ZNF541: variants seen among roughly 807,000 people sequenced by gnomAD.
ZNF541 encodes the protein zinc finger protein 541.
In ZNF541, 23 loss-of-function variants were observed where a neutral mutation model predicts 123.5. The ratio of observed to expected loss-of-function variants is 0.19; its 90% CI spans 0.13 to 0.26. ZNF541 has a LOEUF of 0.26. Ranked by LOEUF, ZNF541 falls within the 10% of genes least tolerant of loss-of-function variation. The pLI, the probability that ZNF541 is intolerant of heterozygous loss-of-function variation, is 1.00. For synonymous variants in ZNF541, 751 were observed against 754.5 expected, an observed-to-expected ratio of 1.00 and a Z score of 0.08; for missense variants, 1,612 against 1,789.9, an observed-to-expected ratio of 0.90 and a Z score of 1.79.
At chr19:47,553,928 G>A (rs1346145804) in intron 3 of ZNF541, among the ~76,000 whole-genome samples, 1 of 152,140 alleles carries the variant, frequency 6.6e-6, no homozygotes, top group Non-Finnish European at 1.5e-5. Flanking sequence ...AACTCAACAT[G>A]TACAAAGTTG....
chr19:47,573,296 T>C (rs1971541024), upstream of ZNF541, among the ~76,000 whole-genome samples: 1 of 151,862 alleles, frequency 6.6e-6, no homozygotes, highest in Admixed American at 6.6e-5. Flanking sequence ...CCGCGCGCTC[T>C]CGGCTGCTTC....
At position 47,558,402 on chromosome 19, in the gene ZNF541, C is replaced by T. The variant is rs909639859; in HGVS notation, c.-98-2448G>A. ...CTGCACTCCAGCCTGGGCAACAGAG[C>T]GAGACTCCATCTCAAAAAATAAATA... On this transcript the variant is annotated intron_variant, in intron 2 of 16. Coordinates refer to ENST00000391901, the MANE Select transcript of ZNF541 (RefSeq NM_001277075.3). Among the ~76,000 whole-genome samples, 10 of 150,360 alleles carry T rather than the reference C, an allele frequency of 6.7e-5. No homozygotes were observed. In the East Asian group the frequency reaches 9.8e-4, roughly 15 times the overall value.
intron 6 of ZNF541, 76 bp from the exon 7 acceptor site, chr19:47,540,411 TTCTTTTTTG>T: frequency 7.0e-7 from 1 of 1,432,124 alleles, no homozygotes; most frequent in East Asian, 2.6e-5. Context: ...TTGTTTTTTT[TTCTTTTTTG>T]TCTATAACTC....
In ZNF541 at chr19:47,549,448, G is replaced by A. The variant is rs188368625; in HGVS notation, c.345C>T (p.Asp115=). 119 of 1,551,626 alleles carry A rather than the reference G, an allele frequency of 7.7e-5. No homozygotes were observed. The East Asian group carries it at 1.4e-3, about 18-fold the overall frequency. The change falls in exon 4 of 17, where the codon GAC becomes GAT. Residue 115 remains aspartate (D), a synonymous_variant. Transcript: ENST00000391901. Reference sequence around the variant, plus strand: ...TCCCCGAGGTGGCCCTTCCTCCTTCGTCAGCCTCTTTAGCCTTAAGCACAC... The same window carrying A: ...TCCCCGAGGTGGCCCTTCCTCCTTCATCAGCCTCTTTAGCCTTAAGCACAC... The part of the protein sequence containing the change: ...GLGVLKAKEA[D]EGGRATSGSA...
In ZNF541 at chr19:47,544,823, GAGA is replaced by G. The variant is rs1970253454; in HGVS notation, c.1703_1705del (p.Phe568del). 1 of 1,533,986 alleles carries G rather than the reference GAGA, an allele frequency of 6.5e-7. No individual in the cohort carries two copies. ...GGAGACTGCTGCCACCTGGGCATGG[GAGA>G]AGATCCGCTGGGACTTGGTGATCAT... On this transcript the variant is annotated inframe_deletion, in exon 5 of 17. Coordinates refer to ENST00000391901, the MANE Select transcript of ZNF541 (RefSeq NM_001277075.3).
At chr19:47,558,479 T>TA (rs1180753572) in intron 2 of ZNF541, among the ~76,000 whole-genome samples, 52 of 151,808 alleles carry the variant, frequency 3.4e-4, no homozygotes, top group Non-Finnish European at 7.1e-4. Context: ...TTCAGATAAT[T>TA]AAAAAATTAG....
Position 47,545,164 on chromosome 19 carries a change from G to A in ZNF541, c.1365C>T (p.Ser455=). 6.7e-7 allele frequency: 1 copy of A among 1,495,822 alleles called. No homozygotes were observed. The highest frequency in any genetic ancestry group is 8.9e-7 in the Non-Finnish European group (1 of 1,121,460). 92.7% of individuals were successfully genotyped at this position (1,495,822 alleles called of 1,614,324 possible). Residue 455 remains serine, a synonymous_variant, in exon 5 of 17, where the codon AGC becomes AGT. Coordinates refer to ENST00000391901, the MANE Select transcript of ZNF541 (RefSeq NM_001277075.3). This position sits in a 1 kb window ranked among gnomAD's most constrained non-coding sequence, Gnocchi z 7.5. ...GGCCGGGCGGGGACTCCTCCGAGGG[G>A]CTTCCGCTGCTGGGTCCCGGGCCAG... ...SESGPGPSSG[S]PSEESPPGPG... is the part of the protein sequence containing the mutation.
At chr19:47,522,316 G>A (rs553768067) in intron 14 of ZNF541, among the ~76,000 whole-genome samples, 1 of 151,958 alleles carries the variant, frequency 6.6e-6, no homozygotes, top group East Asian at 1.9e-4. Flanking sequence ...CTAATAAATC[G>A]GAATGCTCTC....
chr19:47,521,074 T>C lies in ZNF541; in HGVS notation c.*150A>G. 1.0e-6 allele frequency: 1 copy of C among 973,094 alleles called. No homozygotes were observed. The highest frequency in any genetic ancestry group is 2.6e-5 in the East Asian group (1 of 37,868). The allele number at this position is 973,094 out of a possible 1,614,324, so 60.3% of individuals were successfully genotyped here. ...CAACTGAGCTCCTCCTGCCTATCTG[T>C]GGCCAAATGCCCTCCATGTTTGCAG... is the stretch of plus-strand genomic sequence containing the variant. On this transcript the variant is annotated 3_prime_UTR_variant, in exon 17 of 17. Transcript: ENST00000391901. The surrounding 1 kb of genome is among the most constrained non-coding windows in gnomAD (Gnocchi z 4.2).
rs564209955 is a variant in ZNF541 at position 47,554,984 on chromosome 19, C to A, written c.307+566G>T. On this transcript the variant is annotated intron_variant, in intron 3 of 16. Coordinates refer to ENST00000391901, the MANE Select transcript of ZNF541 (RefSeq NM_001277075.3). ...TGGCAGGCGCCTGTAATCCCAGCTA[C>A]TGGGGAGGCTGAGGCAGGAGAATTG... Among the ~76,000 whole-genome samples the A allele has an allele frequency of 4.2e-4, 63 of 151,270 alleles. 1 individual carries two copies. Among genetic ancestry groups the A allele is most frequent in the African/African-American group, 1.5e-3 (61 of 41,170 alleles).
At chr19:47,536,983 G>A (rs896800480) in intron 9 of ZNF541, among the ~76,000 whole-genome samples, 1 of 152,094 alleles carries the variant, frequency 6.6e-6, no homozygotes. Context: ...AGACACAAAA[G>A]GCTGCATATT....
intron 3 of ZNF541, among the ~76,000 whole-genome samples, chr19:47,552,556 A>C (rs1313026294): frequency 6.6e-6 from 1 of 152,048 alleles, no homozygotes; most frequent in Non-Finnish European, 1.5e-5. Context: ...ATCCTGGCTA[A>C]CATGGTGAAA....
chr19:47,567,983 T>G (rs1341952078), intron 2 of ZNF541, among the ~76,000 whole-genome samples: 2 of 152,194 alleles, frequency 1.3e-5, no homozygotes, highest in Non-Finnish European at 2.9e-5. Context: ...GGAAGTTAAT[T>G]ATCTTTAAAG....
intron 2 of ZNF541, among the ~76,000 whole-genome samples, chr19:47,568,283 T>C (rs1234371676): frequency 2.0e-5 from 3 of 152,152 alleles, no homozygotes; most frequent in Admixed American, 6.6e-5. Flanking sequence ...TAACAGCAGG[T>C]TCCTGGGAGT....
intron 14 of ZNF541, among the ~76,000 whole-genome samples, chr19:47,526,784 T>C (rs752591089): frequency 2.6e-5 from 4 of 152,188 alleles, no homozygotes; most frequent in Non-Finnish European, 5.9e-5. Context: ...GGCGGTTTCT[T>C]AAAAAGTTAA....
At chr19:47,564,897 C>T (rs898198120) in intron 2 of ZNF541, among the ~76,000 whole-genome samples, 2 of 152,106 alleles carry the variant, frequency 1.3e-5, no homozygotes, top group African/African-American at 4.8e-5. Flanking sequence ...TCCAAAAATA[C>T]GGAACCAGCC....
At chr19:47,558,183 G>A (rs1048237833) in intron 2 of ZNF541, among the ~76,000 whole-genome samples, 1 of 152,264 alleles carries the variant, frequency 6.6e-6, no homozygotes, top group African/African-American at 2.4e-5. Flanking sequence ...TTGGGAGACC[G>A]AGGTGGGCGG....
chr19:47,545,218 C>T lies in ZNF541; in HGVS notation c.1311G>A (p.Ser437=). 1.3e-6 allele frequency: 2 copies of T among 1,539,978 alleles called. No individual in the cohort carries two copies. Among genetic ancestry groups the T allele is most frequent in the Non-Finnish European group, 8.8e-7 (1 of 1,142,350 alleles). Residue 437 remains serine, a synonymous_variant, in exon 5 of 17, where the codon TCG becomes TCA. Transcript: ENST00000391901. This position sits in a 1 kb window ranked among gnomAD's most constrained non-coding sequence, Gnocchi z 7.5. ...GNNVFVVHKP[S]AVPSREGSES... Reference sequence around the variant, plus strand: ...CGGAGCCCTCCCGCGAGGGCACGGCCGAGGGCTTGTGGACAACAAACACGT... The same window carrying T: ...CGGAGCCCTCCCGCGAGGGCACGGCTGAGGGCTTGTGGACAACAAACACGT...
At position 47,544,559 on chromosome 19, in the gene ZNF541, G is replaced by A; in HGVS notation, c.1970C>T (p.Pro657Leu). The A allele has an allele frequency of 6.4e-7, 1 of 1,551,596 alleles. No individual in the cohort carries two copies. Among genetic ancestry groups the A allele is most frequent in the Non-Finnish European group, 8.7e-7 (1 of 1,146,986 alleles). ...AKGGLKVAAV[P>L]TPLAAPSLDP... is the part of the protein sequence containing the mutation. ...CAGAGACGGTGCTGCAAGGGGCGTT[G>A]GAACCGCGGCCACTTTCAGTCCCCC... is the stretch of plus-strand genomic sequence containing the variant. Residue 657 changes from proline (P) to leucine (L), a missense_variant, in exon 5 of 17, where the codon CCA (proline) becomes CTA (leucine). By Grantham distance (98) the Pro-to-Leu change is moderately conservative. Around this residue, in one of 5 missense-constraint regions of ZNF541, gnomAD observed 1,080 missense variants for 1,013.8 expected, o/e 1.07. Transcript: ENST00000391901.
Sources: allele counts gnomAD v4.1 joint callset (sites outside exome capture counted in the v4.1 genomes callset), GRCh38; gene constraint gnomAD v4.1.1; regional missense constraint gnomAD v4.1.1; non-coding constraint Gnocchi (gnomAD v3.1); transcripts MANE v1.5; gene names NCBI Gene and HGNC (gene_info 2026-07-23, HGNC 2026-07-21).